FAM120C: variants seen among roughly 807,000 people sequenced by gnomAD.
The protein encoded by FAM120C is family with sequence similarity 120 member C.
FAM120C carries 14 observed loss-of-function variants against 71.2 expected under a neutral mutation model. That is an observed-to-expected ratio of 0.20 (90% CI 0.13 to 0.31). The LOEUF (loss-of-function observed/expected upper bound fraction) is 0.31. FAM120C is among the 10% of genes least tolerant of loss of function. The probability of loss-of-function intolerance (pLI) is 1.00; values close to 1 mark genes in which losing one functional copy is unlikely to be tolerated. For missense variants in FAM120C, 500 were observed against 879.0 expected, an observed-to-expected ratio of 0.57 and a Z score of 5.45; for synonymous variants, 354 against 353.2, an observed-to-expected ratio of 1.00 and a Z score of -0.03.
At chrX:54,141,934 C>G (rs782346752) in intron 4 of FAM120C, among the ~76,000 whole-genome samples, 110 of 111,551 alleles carry the variant, frequency 9.9e-4, no homozygotes, top group Non-Finnish European at 9.6e-4. Flanking sequence ...AACTATAAAA[C>G]TTTTAGCTGA....
At chrX:54,129,184 CG>C (rs1452270159) in intron 9 of FAM120C, among the ~76,000 whole-genome samples, 1 of 107,241 alleles carries the variant, frequency 9.3e-6, no homozygotes, top group Non-Finnish European at 1.9e-5. Flanking sequence ...CCCTCCCGGA[CG>C]GGGTGGCTGC....
chrX:54,135,916 G>C (rs2067091905), intron 5 of FAM120C, among the ~76,000 whole-genome samples: 1 of 111,001 alleles, frequency 9.0e-6, no homozygotes, highest in East Asian at 2.8e-4. Flanking sequence ...TACCAGGCCA[G>C]AATGGGGGTT....
chrX:54,158,388 G>C (rs1431963399), intron 2 of FAM120C, among the ~76,000 whole-genome samples: 11 of 112,322 alleles, frequency 9.8e-5, no homozygotes, highest in African/African-American at 3.6e-4. Flanking sequence ...GCCTGAGACA[G>C]AATACTAACC....
chrX:54,157,172 C>T (rs2146634223), intron 3 of FAM120C, among the ~76,000 whole-genome samples: 1 of 111,937 alleles, frequency 8.9e-6, no homozygotes, highest in Admixed American at 9.6e-5. Flanking sequence ...TTCATTATTT[C>T]ATTATTGGGT....
chrX:54,131,853 C>T (rs1265635380), intron 9 of FAM120C, among the ~76,000 whole-genome samples: 3 of 109,706 alleles, frequency 2.7e-5, no homozygotes, highest in African/African-American at 1.0e-4. Flanking sequence ...GCTCCGCCTC[C>T]CAGGTTCATG....
intron 13 of FAM120C, 128 bp downstream of exon 13, chrX:54,085,586 TA>T (rs781820244): frequency 0.17 from 73,683 of 441,932 alleles, no homozygotes; most frequent in East Asian, 0.2. Flanking sequence ...AAACTCCGTC[TA>T]AAAAAAAAAA....
intron 10 of FAM120C, among the ~76,000 whole-genome samples, chrX:54,104,934 AAAGTCC>A (rs1306057433): frequency 8.9e-6 from 1 of 111,758 alleles, no homozygotes; most frequent in Admixed American, 9.6e-5. Flanking sequence ...CTAACCAAAA[AAAGTCC>A]AGGGCCAGAA....
intron 12 of FAM120C, among the ~76,000 whole-genome samples, chrX:54,086,754 CAAAAA>C (rs60485302): frequency 1.7e-5 from 1 of 58,159 alleles, no homozygotes; most frequent in African/African-American, 7.0e-5. Context: ...GAATCTGTCT[CAAAAA>C]AAAAAAAAAA....
At chrX:54,152,500 C>T (rs782076251) in intron 3 of FAM120C, among the ~76,000 whole-genome samples, 57 of 112,141 alleles carry the variant, frequency 5.1e-4, no homozygotes, top group African/African-American at 1.7e-3. Flanking sequence ...TCAAGTGATC[C>T]GCCTGCCATG....
chrX:54,151,272 A>G lies in FAM120C; in HGVS notation c.1131T>C (p.Val377=). The change falls in exon 4 of 16, where the codon GTT becomes GTC. Residue 377 remains valine, a synonymous_variant. Transcript: ENST00000375180. ...GAGACTGTTTGAAAACATCCTTCCC[A>G]ACTACATCCAGGTTTGAGGGATCTT... is the stretch of plus-strand genomic sequence containing the variant. ...SIKDPSNLDV[V]GKDVFKQSQS... 8.3e-7 allele frequency: 1 copy of G among 1,210,999 alleles called. No homozygotes were observed. The highest frequency in any genetic ancestry group is 1.1e-6 in the Non-Finnish European group (1 of 895,221).
intron 10 of FAM120C, among the ~76,000 whole-genome samples, chrX:54,107,845 T>C (rs1438271486): frequency 1.0e-5 from 1 of 99,201 alleles, no homozygotes; most frequent in Non-Finnish European, 2.0e-5. Context: ...TGGGAAAACT[T>C]TGTAAGTCAC....
In FAM120C at chrX:54,139,639, C is replaced by T. The variant is rs1230876336; in HGVS notation, c.1159-3049G>A. On this transcript the variant is annotated intron_variant, in intron 4 of 15. Coordinates refer to ENST00000375180, the MANE Select transcript of FAM120C (RefSeq NM_017848.6). ...TACAGGCGTGAGCCACCTTGCCTGG[C>T]CCCTGCTTTTATTTTTAAATTTTTT... 7.2e-5 allele frequency among the ~76,000 whole-genome samples: 8 copies of T among 110,691 alleles called. No individual in the cohort carries two copies. The East Asian group carries it at 2.0e-3, about 28-fold the overall frequency.
intron 4 of FAM120C, among the ~76,000 whole-genome samples, chrX:54,149,688 G>C (rs2067175368): frequency 9.0e-6 from 1 of 110,518 alleles, no homozygotes; most frequent in Non-Finnish European, 1.9e-5. Context: ...ATATTCTTTA[G>C]AGGATGCAAC....
intron 9 of FAM120C, among the ~76,000 whole-genome samples, chrX:54,129,755 C>T (rs1395933625): frequency 8.9e-6 from 1 of 112,371 alleles, no homozygotes; most frequent in Admixed American, 9.4e-5. Flanking sequence ...AACGAGACTC[C>T]GTCTGCAATC....
intron 9 of FAM120C, among the ~76,000 whole-genome samples, chrX:54,128,301 T>C (rs1408813571): frequency 8.9e-6 from 1 of 112,051 alleles, no homozygotes; most frequent in Non-Finnish European, 1.9e-5. Flanking sequence ...TCATGTGATC[T>C]GCCCGCCTCA....
chrX:54,119,726 C>A (rs2066996779), intron 9 of FAM120C, among the ~76,000 whole-genome samples: 1 of 44,876 alleles, frequency 2.2e-5, no homozygotes, highest in African/African-American at 8.7e-5. Context: ...TTAATTAGAT[C>A]CCATTTGTCA....
In FAM120C at chrX:54,134,883, A is replaced by G. The variant is rs1423556222; in HGVS notation, c.1564T>C (p.Ser522Pro). 1 of 1,209,689 alleles carries G rather than the reference A, an allele frequency of 8.3e-7. No homozygotes were observed. Among genetic ancestry groups the G allele is most frequent in the Non-Finnish European group, 1.1e-6 (1 of 895,196 alleles). ...SKASPPLGPD[S>P]SHSSSSDGDE... is the part of the protein sequence containing the mutation. The stretch of plus-strand genomic sequence containing the variant: ...CCATCAGAGGAAGAGGAGTGGGAAG[A>G]GTCTGGTCCCAAAGGAGGTGAGGCT... Residue 522 changes from serine to proline, a missense_variant, in exon 7 of 16, where the codon TCT becomes CCT. Coordinates refer to ENST00000375180, the MANE Select transcript of FAM120C (RefSeq NM_017848.6).
chrX:54,093,137 T>C (rs1367359242), intron 10 of FAM120C, among the ~76,000 whole-genome samples: 1 of 112,118 alleles, frequency 8.9e-6, no homozygotes, highest in East Asian at 2.8e-4. Flanking sequence ...GAATAGGTAT[T>C]AATAAATATT....
At chrX:54,168,809 A>C (rs2067273079) in intron 1 of FAM120C, among the ~76,000 whole-genome samples, 1 of 112,100 alleles carries the variant, frequency 8.9e-6, no homozygotes, top group Admixed American at 9.5e-5. Flanking sequence ...CAAGATAGAC[A>C]CTGGGCTAGG....
Sources: allele counts gnomAD v4.1 joint callset (sites outside exome capture counted in the v4.1 genomes callset), GRCh38; gene constraint gnomAD v4.1.1; transcripts MANE v1.5; gene names NCBI Gene and HGNC (gene_info 2026-07-23, HGNC 2026-07-21).